Variants in LTBP1 observed in about 807,000 individuals in gnomAD.
The protein encoded by LTBP1 is latent transforming growth factor beta binding protein 1, also known as latent-transforming growth factor beta-binding protein 1.
Under a neutral mutation model 207.6 loss-of-function variants are expected in LTBP1, and 129 were observed. The ratio of observed to expected loss-of-function variants is 0.62; its 90% CI spans 0.54 to 0.72. The LOEUF (loss-of-function observed/expected upper bound fraction) is 0.72. Among genes scored for constraint, LTBP1 ranks in the 30% least tolerant of loss-of-function variants. LTBP1 has a pLI of 0.00. For missense variants in LTBP1, 2,281 were observed against 2,217.2 expected (o/e 1.03, Z -0.58); for synonymous variants, 963 against 833.7 (o/e 1.16, Z -2.67).
chr2:33,171,696 A>C (rs1187546977), intron 5 of LTBP1, among the ~76,000 whole-genome samples: 1 of 152,096 alleles, frequency 6.6e-6, no homozygotes, highest in Non-Finnish European at 1.5e-5. Flanking sequence ...ACTCCAAGAC[A>C]CATAATTGTC....
intron 5 of LTBP1, among the ~76,000 whole-genome samples, chr2:33,164,563 C>T (rs940861364): frequency 6.6e-6 from 1 of 151,912 alleles, no homozygotes; most frequent in African/African-American, 2.4e-5. Flanking sequence ...GCAAGATCTA[C>T]AAATAAATAT....
chr2:33,188,121 T>A (rs1178127209), intron 6 of LTBP1, among the ~76,000 whole-genome samples: 1 of 152,192 alleles, frequency 6.6e-6, no homozygotes, highest in Admixed American at 6.5e-5. Context: ...GCCTGTGCCC[T>A]TAAGAATTGT....
At chr2:33,038,373 T>C (rs1345541536) in intron 3 of LTBP1, among the ~76,000 whole-genome samples, 1 of 152,214 alleles carries the variant, frequency 6.6e-6, no homozygotes, top group Non-Finnish European at 1.5e-5. Flanking sequence ...TTTTACCTTA[T>C]GCAGCACCAA....
intron 3 of LTBP1, among the ~76,000 whole-genome samples, chr2:33,097,078 T>C (rs913376838): frequency 6.6e-6 from 1 of 152,158 alleles, no homozygotes; most frequent in Non-Finnish European, 1.5e-5. Flanking sequence ...TAGAATCATA[T>C]ATGCCTACAG....
intron 31 of LTBP1, among the ~76,000 whole-genome samples, chr2:33,367,955 C>T (rs747463720): frequency 6.6e-6 from 1 of 152,176 alleles, no homozygotes; most frequent in Non-Finnish European, 1.5e-5. Context: ...TGGCTCATGC[C>T]TGTAATCACA....
chr2:33,171,667 A>G (rs1395994399), intron 5 of LTBP1, among the ~76,000 whole-genome samples: 2 of 152,018 alleles, frequency 1.3e-5, no homozygotes, highest in Non-Finnish European at 1.5e-5. Flanking sequence ...CGCCACAAAG[A>G]TACTCCTTGA....
chr2:33,228,360 A>G (rs768092407), intron 9 of LTBP1, among the ~76,000 whole-genome samples: 3 of 152,346 alleles, frequency 2.0e-5, no homozygotes, highest in Admixed American at 6.5e-5. Context: ...AGTAGGCACT[A>G]TTATACCCCA....
At chr2:32,959,617 A>AT (rs1373102884) in intron 2 of LTBP1, among the ~76,000 whole-genome samples, 35 of 38,532 alleles carry the variant, frequency 9.1e-4, no homozygotes, top group African/African-American at 2.8e-3. Flanking sequence ...ATATATATAT[A>AT]TATATTTTTT....
At chr2:33,139,344 T>C (rs2082449010) in intron 5 of LTBP1, among the ~76,000 whole-genome samples, 1 of 152,166 alleles carries the variant, frequency 6.6e-6, no homozygotes, top group South Asian at 2.1e-4. Flanking sequence ...TATGACCATA[T>C]ATTAAGTGAC....
chr2:33,097,599 A>C (rs1274507612), intron 3 of LTBP1, among the ~76,000 whole-genome samples: 2 of 152,200 alleles, frequency 1.3e-5, no homozygotes, highest in East Asian at 3.8e-4. Context: ...TTCCCACTTT[A>C]TAATGGTACC....
intron 3 of LTBP1, among the ~76,000 whole-genome samples, chr2:33,042,935 GA>G (rs957211022): frequency 1.3e-5 from 2 of 151,822 alleles, no homozygotes; most frequent in African/African-American, 4.8e-5. Flanking sequence ...GTGCCATTGG[GA>G]AAAAAAACAG....
In LTBP1 at chr2:33,134,536, CA is replaced by C. The variant is rs1474524434; in HGVS notation, c.1034-254del. The C allele has an allele frequency of 6.6e-7, 1 of 1,511,488 alleles. No individual in the cohort carries two copies. Among genetic ancestry groups the C allele is most frequent in the Non-Finnish European group, 8.9e-7 (1 of 1,121,890 alleles). The allele number at this position is 1,511,488 out of a possible 1,614,324, so 93.6% of individuals were successfully genotyped here. ...TAATCCCACTCCAGTGACTCGACTT[CA>C]AATGTGGTTTTGGAGTGCATCCCAG... On this transcript the variant is annotated intron_variant, in intron 4 of 33. Coordinates refer to ENST00000404816, the MANE Select transcript of LTBP1 (RefSeq NM_206943.4). This position sits in a 1 kb window ranked among gnomAD's most constrained non-coding sequence, Gnocchi z 4.4.
At chr2:32,984,453 A>G (rs969687622) in intron 2 of LTBP1, among the ~76,000 whole-genome samples, 1 of 152,210 alleles carries the variant, frequency 6.6e-6, no homozygotes, top group Non-Finnish European at 1.5e-5. Context: ...TCTCTCTGGC[A>G]TGTTTTAACT....
intron 32 of LTBP1, among the ~76,000 whole-genome samples, chr2:33,392,878 T>C (rs2095326786): frequency 7.2e-6 from 1 of 138,882 alleles, no homozygotes; most frequent in African/African-American, 2.8e-5. Context: ...GTGGTGTCAC[T>C]TTTTTTTTTT....
chr2:33,231,191 A>G (rs1310133490), intron 9 of LTBP1, among the ~76,000 whole-genome samples: 3 of 152,248 alleles, frequency 2.0e-5, no homozygotes, highest in Non-Finnish European at 4.4e-5. Flanking sequence ...GCTGAATTTT[A>G]GCTGGCTCCC....
intron 23 of LTBP1, 124 bp from the exon 24 acceptor site, chr2:33,315,020 T>A (rs34470376): frequency 4.1e-6 from 3 of 739,860 alleles, no homozygotes; most frequent in Non-Finnish European, 6.4e-6. Flanking sequence ...GGACAAATGG[T>A]ATAGTTGTTC....
intron 32 of LTBP1, among the ~76,000 whole-genome samples, chr2:33,394,138 T>G (rs1267376482): frequency 2.0e-5 from 3 of 152,312 alleles, no homozygotes; most frequent in South Asian, 4.1e-4. Context: ...TTGATGGGGT[T>G]GTTTGATTTT....
intron 2 of LTBP1, among the ~76,000 whole-genome samples, chr2:33,019,320 G>A (rs527399051): frequency 2.7e-4 from 37 of 138,348 alleles, no homozygotes; most frequent in African/African-American, 9.0e-4. Flanking sequence ...TCAGTAGCAT[G>A]TACACTTCTT....
At chr2:33,185,641 A>C (rs942995383) in intron 5 of LTBP1, among the ~76,000 whole-genome samples, 1 of 152,176 alleles carries the variant, frequency 6.6e-6, no homozygotes, top group Non-Finnish European at 1.5e-5. Context: ...AGGAAGGAGC[A>C]AAATAGGTGA....
Sources: allele counts gnomAD v4.1 joint callset (sites outside exome capture counted in the v4.1 genomes callset), GRCh38; gene constraint gnomAD v4.1.1; non-coding constraint Gnocchi (gnomAD v3.1); transcripts MANE v1.5; gene names NCBI Gene and HGNC (gene_info 2026-07-23, HGNC 2026-07-21).